The following CKM variants were observed in gnomAD, a reference collection of about 807,000 sequenced individuals.
CKM encodes the protein creatine kinase M-type.
In CKM, 28 loss-of-function variants were observed where a neutral mutation model predicts 35.4. The ratio of observed to expected loss-of-function variants is 0.79; its 90% CI spans 0.59 to 1.08. The LOEUF (loss-of-function observed/expected upper bound fraction) is 1.08. Ranked by LOEUF, CKM falls within the 50% of genes least tolerant of loss-of-function variation. The probability of loss-of-function intolerance (pLI) is 0.00; values close to 1 mark genes in which losing one functional copy is unlikely to be tolerated. For synonymous variants in CKM, 215 were observed against 204.4 expected (o/e 1.05, Z -0.44); for missense variants, 484 against 509.8 (o/e 0.95, Z 0.49).
At chr19:45,310,073 A>AAT (rs1971091930) in intron 5 of CKM, among the ~76,000 whole-genome samples, 1 of 151,638 alleles carries the variant, frequency 6.6e-6, no homozygotes, top group South Asian at 2.1e-4. Context: ...AGATAAGACG[A>AAT]ATAACCAAGA....
At chr19:45,308,630 A>C in intron 5 of CKM, 98 bp from the exon 6 acceptor site, 1 of 1,309,828 alleles carries the variant, frequency 7.6e-7, no homozygotes, top group Non-Finnish European at 1.1e-6. Flanking sequence ...ATGGGGGAAG[A>C]GGGCCTGAGG....
At position 45,317,934 on chromosome 19, in the gene CKM, T is replaced by G. The variant is rs747625803; in HGVS notation, c.239A>C (p.Glu80Ala). 11 of 1,613,814 alleles carry G rather than the reference T, an allele frequency of 6.8e-6. No homozygotes were observed. The highest frequency in any genetic ancestry group is 8.5e-6 in the Non-Finnish European group (10 of 1,179,920). ...GAGTTCCTTGAAAACTTCGTAGGAC[T>G]CCTCATCACCAGCCACGCAGCCCAC... ...MTVGCVAGDEESYEVFKELFD... is the reference protein window; with the variant it reads ...MTVGCVAGDEASYEVFKELFD... Residue 80 changes from glutamate to alanine, a missense_variant, in exon 3 of 8, where the codon GAG becomes GCG. Coordinates refer to ENST00000221476, the MANE Select transcript of CKM (RefSeq NM_001824.5).
chr19:45,312,191 A>G (rs1051591281), intron 4 of CKM, among the ~76,000 whole-genome samples: 1 of 152,200 alleles, frequency 6.6e-6, no homozygotes, highest in Admixed American at 6.5e-5. Flanking sequence ...CCTCACATCC[A>G]ATCCACCTGC....
At position 45,311,759 on chromosome 19, in the gene CKM, G is replaced by T; in HGVS notation, c.643C>A (p.Arg215Ser). ...GGGGAGGGGCCTCACCAGATGCCAC[G>T]GGCGTCGGGCCAGTCGCGGGCCATG... Reference protein sequence around the residue: ...SGMARDWPDARGIWHNDNKSF... With the variant: ...SGMARDWPDASGIWHNDNKSF... The change falls in exon 5 of 8, where the codon CGT becomes AGT. Residue 215 changes from arginine to serine, a missense_variant. By Grantham distance (110) the Arg-to-Ser change is moderately radical (BLOSUM62 -1). Transcript: ENST00000221476. 6.3e-7 allele frequency: 1 copy of T among 1,585,132 alleles called. No individual in the cohort carries two copies. Among genetic ancestry groups the T allele is most frequent in the Non-Finnish European group, 8.6e-7 (1 of 1,166,612 alleles).
intron 4 of CKM, among the ~76,000 whole-genome samples, chr19:45,312,291 T>C (rs1971117667): frequency 1.3e-5 from 2 of 152,200 alleles, no homozygotes; most frequent in Admixed American, 6.5e-5. Context: ...GTAAAAATTA[T>C]TATAAAGTAG....
In CKM at chr19:45,306,578, G is replaced by GA. The variant is rs1971053448; in HGVS notation, c.*171dup. The GA allele has an allele frequency of 3.0e-6, 2 of 674,608 alleles. No homozygotes were observed. Among genetic ancestry groups the GA allele is most frequent in the South Asian group, 3.5e-5 (2 of 57,876 alleles). The allele number at this position is 674,608 out of a possible 1,614,324, so 41.8% of individuals were successfully genotyped here. ...TTCATTGGCCAGAATCCAGAGGATGGAGCCCATTGGTTGGAACTCTGGTTG... is the reference window on the plus strand; with the variant it reads ...TTCATTGGCCAGAATCCAGAGGATGGAAGCCCATTGGTTGGAACTCTGGTTG... On this transcript the variant is annotated 3_prime_UTR_variant, in exon 8 of 8. Transcript: ENST00000221476. The surrounding 1 kb of genome is among the most constrained non-coding windows in gnomAD (Gnocchi z 4.5).
At chr19:45,319,452 A>C in intron 2 of CKM, 69 bp downstream of exon 2, 20 of 1,210,248 alleles carry the variant, frequency 1.7e-5, no homozygotes, top group Non-Finnish European at 2.3e-5. Flanking sequence ...GGGTGGTGGG[A>C]TTGGGGCATG....
At position 45,314,838 on chromosome 19, in the gene CKM, A is replaced by C. The variant is rs560058; in HGVS notation, c.481+627T>G. ...GTGATCCTCCCACCTCAGTCTCCTGAGTAGCTGGGATGACAGGTGTGTGCC... is the reference window on the plus strand; with the variant it reads ...GTGATCCTCCCACCTCAGTCTCCTGCGTAGCTGGGATGACAGGTGTGTGCC... On this transcript the variant is annotated intron_variant, in intron 4 of 7. Transcript: ENST00000221476. Among the ~76,000 whole-genome samples the C allele has an allele frequency of 1.4e-3, 206 of 152,124 alleles. 1 individual carries two copies. Among genetic ancestry groups the C allele is most frequent in the African/African-American group, 4.6e-3 (193 of 41,508 alleles).
intron 2 of CKM, among the ~76,000 whole-genome samples, chr19:45,318,867 T>A (rs1971184484): frequency 6.6e-6 from 1 of 151,386 alleles, no homozygotes; most frequent in Non-Finnish European, 1.5e-5. Flanking sequence ...CAGATTCTTT[T>A]TTTTTTTTTT....
Position 45,315,559 on chromosome 19 carries a change from G to A in CKM, c.387C>T (p.Ser129=). Residue 129 remains serine (S), a synonymous_variant, in exon 4 of 8, where the codon AGC becomes AGT. Coordinates refer to ENST00000221476, the MANE Select transcript of CKM (RefSeq NM_001824.5). ...TGATGCTGCGGCCAGTGCGGACGCG[G>A]CTGCTGAGCACGTAGTTAGGGTCCA... is the stretch of plus-strand genomic sequence containing the variant. ...DDLDPNYVLS[S]RVRTGRSIKG... 6.2e-7 allele frequency: 1 copy of A among 1,603,880 alleles called. No individual in the cohort carries two copies. Among genetic ancestry groups the A allele is most frequent in the Non-Finnish European group, 8.5e-7 (1 of 1,179,944 alleles).
chr19:45,322,219 C>T (rs1221890377), intron 1 of CKM, among the ~76,000 whole-genome samples: 1 of 151,858 alleles, frequency 6.6e-6, no homozygotes, highest in African/African-American at 2.4e-5. Flanking sequence ...TGGTGACCCC[C>T]CCCACAAGAG....
rs1209016201 is a variant in CKM, at chr19:45,311,745, TC to T, written c.653+3del. The stretch of plus-strand genomic sequence containing the variant: ...GGAAGCCAGGGGGCGGGGAGGGGCC[TC>T]ACCAGATGCCACGGGCGTCGGGCCA... On this transcript the variant is annotated splice_donor_region_variant and intron_variant, in intron 5 of 7. Transcript: ENST00000221476. The T allele has an allele frequency of 1.9e-6, 3 of 1,571,162 alleles. No individual in the cohort carries two copies. In the South Asian group the frequency reaches 3.5e-5, roughly 18 times the overall value.
At position 45,319,727 on chromosome 19, in the gene CKM, G is replaced by T. The variant is rs761448521; in HGVS notation, c.-14C>A. On this transcript the variant is annotated 5_prime_UTR_variant, in exon 2 of 8. Transcript: ENST00000221476. ...ACCGAATGGCATGGTGGCGGTGTAG[G>T]AGACCTGATGGGCAGGGCAGGAGGG... is the stretch of plus-strand genomic sequence containing the variant. 6 of 1,613,586 alleles carry T rather than the reference G, an allele frequency of 3.7e-6. No individual in the cohort carries two copies. The highest frequency in any genetic ancestry group is 1.7e-4 in the Middle Eastern group (1 of 5,998).
chr19:45,312,022 T>A, intron 4 of CKM, 102 bp from the exon 5 acceptor site: 1 of 1,368,754 alleles, frequency 7.3e-7, no homozygotes, highest in East Asian at 2.3e-5. Flanking sequence ...GGCCTGGGCC[T>A]TGGCCCCCTG....
At chr19:45,314,972 G>T (rs934235936) in intron 4 of CKM, among the ~76,000 whole-genome samples, 1 of 151,932 alleles carries the variant, frequency 6.6e-6, no homozygotes, top group South Asian at 2.1e-4. Flanking sequence ...TAGGCCTCCC[G>T]CACTGCTGTG....
chr19:45,317,825 C>T lies in CKM; in HGVS notation c.348G>A (p.Lys116=). The change falls in exon 3 of 8, where the codon AAG becomes AAA. Residue 116 remains lysine (K), a splice_region_variant and synonymous_variant. Transcript: ENST00000221476. ...HKTDLNHENL[K]GGDDLDPNYV... The stretch of plus-strand genomic sequence containing the variant: ...CCTCCCCTCCTGCGCAGACACCGAC[C>T]TTGAGGTTTTCATGGTTGAGGTCAG... 6.2e-7 allele frequency: 1 copy of T among 1,614,040 alleles called. No homozygotes were observed. The highest frequency in any genetic ancestry group is 8.5e-7 in the Non-Finnish European group (1 of 1,180,006).
At chr19:45,318,453 T>C (rs1053688569) in intron 2 of CKM, among the ~76,000 whole-genome samples, 13 of 145,310 alleles carry the variant, frequency 8.9e-5, no homozygotes, top group Admixed American at 6.9e-4. Context: ...TGGTGGGAAC[T>C]GGGAGGGAAG....
intron 6 of CKM, among the ~76,000 whole-genome samples, chr19:45,308,044 T>C (rs1447635594): frequency 6.6e-6 from 1 of 152,026 alleles, no homozygotes; most frequent in Non-Finnish European, 1.5e-5. Flanking sequence ...ATTTATTTAT[T>C]AATTTTTTAG....
At chr19:45,320,256 T>G (rs1162233140) in intron 1 of CKM, among the ~76,000 whole-genome samples, 1 of 151,882 alleles carries the variant, frequency 6.6e-6, no homozygotes, top group Non-Finnish European at 1.5e-5. Flanking sequence ...CTGGCTAATT[T>G]TTTTGTATTT....
Sources: gnomAD v4.1 joint callset for allele counts (sites outside exome capture counted in the v4.1 genomes callset) on GRCh38, gnomAD v4.1.1 for gene constraint, Gnocchi (gnomAD v3.1) non-coding constraint, MANE v1.5 for transcripts, NCBI Gene and HGNC (gene_info 2026-07-23, HGNC 2026-07-21) for gene names.